ACYP2: variants seen among roughly 807,000 people sequenced by gnomAD.
The protein encoded by ACYP2 is acylphosphatase-2.
In ACYP2, 12 loss-of-function variants were observed where a neutral mutation model predicts 11.2. The observed-to-expected ratio is 1.08, with a 90% confidence interval of 0.69 to 1.74. The LOEUF is 1.74. Among genes scored for constraint, ACYP2 ranks in the 40% most tolerant of loss-of-function variants. The pLI, the probability that ACYP2 is intolerant of heterozygous loss-of-function variation, is 0.00. For synonymous variants in ACYP2, 43 were observed against 32.2 expected, an observed-to-expected ratio of 1.33 and a Z score of -1.13; for missense variants, 134 against 101.9, an observed-to-expected ratio of 1.31 and a Z score of -1.35.
intron 6 of ACYP2, among the ~76,000 whole-genome samples, chr2:54,241,537 T>C (rs538999995): frequency 7.9e-5 from 12 of 152,262 alleles, no homozygotes; most frequent in South Asian, 4.1e-4. Flanking sequence ...CAAATGGGAA[T>C]TGCAGAAAGT....
At chr2:54,200,704 C>T (rs745391106) in intron 6 of ACYP2, among the ~76,000 whole-genome samples, 25 of 152,102 alleles carry the variant, frequency 1.6e-4, no homozygotes, top group African/African-American at 5.6e-4. Flanking sequence ...ACAAATAATG[C>T]TGCTATGAAC....
chr2:54,126,794 C>T (rs1490143403), intron 4 of ACYP2, among the ~76,000 whole-genome samples: 1 of 151,456 alleles, frequency 6.6e-6, no homozygotes, highest in African/African-American at 2.4e-5. Context: ...CTAAAAAATG[C>T]AAAAAATTAG....
chr2:54,076,913 T>C (rs1677371823), intron 4 of ACYP2, among the ~76,000 whole-genome samples: 1 of 152,242 alleles, frequency 6.6e-6, no homozygotes, highest in Non-Finnish European at 1.5e-5. Flanking sequence ...TTTTATAAAT[T>C]ATTTCTATTT....
chr2:54,002,366 G>GTTTTT, intron 2 of ACYP2, among the ~76,000 whole-genome samples: 1 of 139,164 alleles, frequency 7.2e-6, no homozygotes. Context: ...TTTTTTTTGA[G>GTTTTT]ACGGAGTCTT....
chr2:54,247,796 A>G (rs748276221), intron 6 of ACYP2, among the ~76,000 whole-genome samples: 7 of 152,282 alleles, frequency 4.6e-5, no homozygotes, highest in Non-Finnish European at 7.4e-5. Context: ...TAGTTATCAG[A>G]CTCTGGAGTC....
chr2:54,193,354 T>C (rs980920246), intron 6 of ACYP2, among the ~76,000 whole-genome samples: 1 of 152,218 alleles, frequency 6.6e-6, no homozygotes, highest in Non-Finnish European at 1.5e-5. Flanking sequence ...ATGGAAATGA[T>C]GATCAAACTT....
chr2:54,157,008 T>A (rs1044164133), intron 6 of ACYP2, among the ~76,000 whole-genome samples: 2 of 152,176 alleles, frequency 1.3e-5, no homozygotes, highest in Non-Finnish European at 2.9e-5. Context: ...TTTAAAAAGG[T>A]ATCTCAATTT....
chr2:54,149,153 A>G (rs145341823), intron 6 of ACYP2, among the ~76,000 whole-genome samples: 18 of 152,344 alleles, frequency 1.2e-4, no homozygotes, highest in African/African-American at 4.1e-4. Context: ...AAAGAGAAAA[A>G]TTTTTTAAAA....
chr2:54,122,025 A>G (rs1680188460), intron 4 of ACYP2, among the ~76,000 whole-genome samples: 2 of 152,240 alleles, frequency 1.3e-5, no homozygotes, highest in Admixed American at 1.3e-4. Flanking sequence ...ACCTGGACTG[A>G]TGGTGAAAGG....
intron 2 of ACYP2, among the ~76,000 whole-genome samples, chr2:54,016,381 A>T (rs1673682537): frequency 6.6e-6 from 1 of 151,774 alleles, no homozygotes; most frequent in Admixed American, 6.6e-5. Flanking sequence ...AATTCAGAAG[A>T]GGCTTGCTAA....
intron 4 of ACYP2, among the ~76,000 whole-genome samples, chr2:54,075,653 T>C (rs1007570751): frequency 2.0e-5 from 3 of 151,154 alleles, no homozygotes; most frequent in African/African-American, 7.3e-5. Context: ...TCCCTACTAA[T>C]AATGCAAAAA....
At chr2:54,286,572 C>A (rs373430999) in intron 6 of ACYP2, among the ~76,000 whole-genome samples, 2 of 152,028 alleles carry the variant, frequency 1.3e-5, no homozygotes, top group African/African-American at 4.8e-5. Context: ...TACCAGGCAA[C>A]TGAAAATATA....
chr2:53,991,057 A>G lies in ACYP2; in HGVS notation c.62+17247A>G, dbSNP rs1173570177. Reference sequence around the variant, plus strand: ...GTGATCCGCCCGCCTGGGACTCCCAAAGTGCTGGGATTACAGGCGTGAGCC... The same window carrying G: ...GTGATCCGCCCGCCTGGGACTCCCAGAGTGCTGGGATTACAGGCGTGAGCC... On this transcript the variant is annotated intron_variant, in intron 2 of 6. Coordinates refer to ENST00000607452, the MANE Select transcript of ACYP2 (RefSeq NM_001320586.2). Among the ~76,000 whole-genome samples the G allele has an allele frequency of 2.0e-5, 3 of 152,162 alleles. No individual in the cohort carries two copies. The East Asian group carries it at 5.8e-4, about 29-fold the overall frequency.
intron 4 of ACYP2, among the ~76,000 whole-genome samples, chr2:54,097,808 A>G (rs550612381): frequency 2.0e-5 from 3 of 151,988 alleles, no homozygotes; most frequent in Non-Finnish European, 4.4e-5. Context: ...TCTAACCACC[A>G]TGCTATTATT....
At chr2:54,188,616 T>C (rs1684112211) in intron 6 of ACYP2, among the ~76,000 whole-genome samples, 1 of 152,206 alleles carries the variant, frequency 6.6e-6, no homozygotes, top group Admixed American at 6.5e-5. Context: ...ACTTTTCGTA[T>C]TATAAGATGA....
At chr2:54,077,623 A>T (rs1331895886) in intron 4 of ACYP2, among the ~76,000 whole-genome samples, 3 of 152,196 alleles carry the variant, frequency 2.0e-5, no homozygotes, top group African/African-American at 7.2e-5. Flanking sequence ...GTGAGGATAG[A>T]CTGACCATTA....
chr2:54,255,553 A>G, intron 6 of ACYP2: 1 of 1,612,040 alleles, frequency 6.2e-7, no homozygotes, highest in South Asian at 1.1e-5. Context: ...GTTCAGGTGG[A>G]GACCCACGTT....
chr2:54,263,301 A>C (rs547352458), intron 6 of ACYP2, among the ~76,000 whole-genome samples: 2 of 152,310 alleles, frequency 1.3e-5, no homozygotes, highest in South Asian at 4.1e-4. Context: ...ACTCACTGTC[A>C]AGAGGACAAC....
chr2:54,258,351 A>G (rs1374649014), intron 6 of ACYP2, among the ~76,000 whole-genome samples: 1 of 152,196 alleles, frequency 6.6e-6, no homozygotes, highest in Non-Finnish European at 1.5e-5. Context: ...GGAGGAGAGC[A>G]TTTCAGCACG....
Sources: gnomAD v4.1 joint callset for allele counts (sites outside exome capture counted in the v4.1 genomes callset) on GRCh38, gnomAD v4.1.1 for gene constraint, MANE v1.5 for transcripts, NCBI Gene and HGNC (gene_info 2026-07-23, HGNC 2026-07-21) for gene names.